The following MAFK variants were observed in gnomAD, a reference collection of about 807,000 sequenced individuals.
MAFK encodes MAF bZIP transcription factor K.
MAFK carries 1 observed loss-of-function variant against 9.2 expected under a neutral mutation model. That is an observed-to-expected ratio of 0.11 (90% CI 0.04 to 0.52). The LOEUF (loss-of-function observed/expected upper bound fraction) is 0.52. MAFK is among the 20% of genes least tolerant of loss of function. The pLI is 0.94. For synonymous variants in MAFK, 110 were observed against 107.4 expected, an observed-to-expected ratio of 1.02 and a Z score of -0.15; for missense variants, 207 against 236.0, an observed-to-expected ratio of 0.88 and a Z score of 0.81.
At chr7:1,533,192 G>T (rs891832120) in intron 1 of MAFK, among the ~76,000 whole-genome samples, 7 of 152,322 alleles carry the variant, frequency 4.6e-5, no homozygotes, top group African/African-American at 1.4e-4. Flanking sequence ...AGGCCGGTGG[G>T]GTCTGGTGTA....
intron 1 of MAFK, among the ~76,000 whole-genome samples, chr7:1,535,349 G>A (rs746671897): frequency 5.9e-5 from 9 of 152,148 alleles, no homozygotes; most frequent in African/African-American, 9.7e-5. Flanking sequence ...GTGAGTATTT[G>A]CTGGGACTTA....
At chr7:1,538,474 C>G (rs1172614810) in intron 1 of MAFK, 1 of 164,110 alleles carries the variant, frequency 6.1e-6, no homozygotes, top group African/African-American at 2.7e-5. Flanking sequence ...GTCCCGTGGC[C>G]TGTGGGGAGG....
rs1370317183 is a variant in MAFK at position 1,534,580 on chromosome 7, C to T, written c.-45+3682C>T. On this transcript the variant is annotated intron_variant, in intron 1 of 2. Coordinates refer to ENST00000343242, the MANE Select transcript of MAFK (RefSeq NM_002360.4). This position sits in a 1 kb window ranked among gnomAD's most constrained non-coding sequence, Gnocchi z 4.3. ...GTTCCTGGTCTTCCTCCTGCCCCTC[C>T]TCCCTCTCCCGCATCCCACATCCTC... 4.4e-6 allele frequency: 2 copies of T among 456,470 alleles called. No homozygotes were observed. Among genetic ancestry groups the T allele is most frequent in the Non-Finnish European group, 8.8e-6 (2 of 226,924 alleles). 28.3% of individuals were successfully genotyped at this position (456,470 alleles called of 1,614,324 possible).
intron 1 of MAFK, chr7:1,537,701 G>C: frequency 1.0e-6 from 1 of 985,560 alleles, no homozygotes; most frequent in South Asian, 4.7e-5. Flanking sequence ...TGTCTCACCT[G>C]TGCGGCCCTC....
Position 1,537,282 on chromosome 7 carries a change from C to T in MAFK, c.-44-1867C>T, listed in dbSNP as rs1417264607. ...GTGCTGCCACGGCGGGCAGTGGGCC[C>T]GGGGGCCCAGGAGCGGGTCCTTGCT... is the stretch of plus-strand genomic sequence containing the variant. On this transcript the variant is annotated intron_variant, in intron 1 of 2. Transcript: ENST00000343242. 16 of 732,256 alleles carry T rather than the reference C, an allele frequency of 2.2e-5. No individual in the cohort carries two copies. The East Asian group carries it at 5.2e-4, about 24-fold the overall frequency. 45.4% of individuals were successfully genotyped at this position (732,256 alleles called of 1,614,324 possible). A position where few individuals can be genotyped will look rare whatever the true frequency, so the allele number is the denominator to read the frequency against.
chr7:1,539,625 G>C (rs1282581588), intron 2 of MAFK, among the ~76,000 whole-genome samples: 2 of 152,246 alleles, frequency 1.3e-5, no homozygotes, highest in Non-Finnish European at 2.9e-5. Context: ...ACAATGGCGT[G>C]TGCCTGTGGG....
rs116106112 is a variant in MAFK at position 1,534,562 on chromosome 7, G to A, written c.-45+3664G>A. 3,968 of 456,326 alleles carry A rather than the reference G, an allele frequency of 8.7e-3. 137 individuals carry two copies. Among genetic ancestry groups the A allele is most frequent in the African/African-American group, 0.071 (3,554 of 50,134 alleles). 28.3% of individuals were successfully genotyped at this position (456,326 alleles called of 1,614,324 possible). On this transcript the variant is annotated intron_variant, in intron 1 of 2. Coordinates refer to ENST00000343242, the MANE Select transcript of MAFK (RefSeq NM_002360.4). The surrounding 1 kb of genome is among the most constrained non-coding windows in gnomAD (Gnocchi z 4.3). ...ACAGAGCTCCCGTCCTCCGTTCCTG[G>A]TCTTCCTCCTGCCCCTCCTCCCTCT...
chr7:1,539,273 G>A (rs1490302719), intron 2 of MAFK, 45 bp downstream of exon 2: 3 of 1,533,668 alleles, frequency 2.0e-6, no homozygotes, highest in Non-Finnish European at 8.9e-7. Context: ...ACAGGCGTGG[G>A]AAAGGCCCCC....
rs867352807 is a variant in MAFK, at chr7:1,539,289, G to A, written c.36+61G>A. The A allele has an allele frequency of 9.3e-5, 129 of 1,384,564 alleles. No individual in the cohort carries two copies. The Middle Eastern group carries it at 3.4e-3, about 37-fold the overall frequency. 85.8% of individuals were successfully genotyped at this position (1,384,564 alleles called of 1,614,324 possible). A position where few individuals can be genotyped will look rare whatever the true frequency, so the allele number is the denominator to read the frequency against. ...CAGGCGTGGGAAAGGCCCCCGGCCC[G>A]ACAGCCCCTGCTATCCCAGGGCCGT... On this transcript the variant is annotated intron_variant, in intron 2 of 2. Coordinates refer to ENST00000343242, the MANE Select transcript of MAFK (RefSeq NM_002360.4).
In MAFK at chr7:1,532,434, T is replaced by A. The variant is rs190516867; in HGVS notation, c.-45+1536T>A. ...GACCTTGGGAGAGGGAGTCTGCTTT[T>A]AAAACTAGACCTCTCATTATTCCAA... On this transcript the variant is annotated intron_variant, in intron 1 of 2. Transcript: ENST00000343242. This position sits in a 1 kb window ranked among gnomAD's most constrained non-coding sequence, Gnocchi z 4.5. Among the ~76,000 whole-genome samples, 46 of 152,338 alleles carry A rather than the reference T, an allele frequency of 3.0e-4. No homozygotes were observed. The East Asian group carries it at 7.7e-3, about 26-fold the overall frequency.
At chr7:1,538,891 G>A (rs1265275932) in intron 1 of MAFK, 3 of 384,950 alleles carry the variant, frequency 7.8e-6, no homozygotes, top group Non-Finnish European at 1.4e-5. Context: ...CAGCCGCTCT[G>A]TGGAGTGTGC....
intron 2 of MAFK, among the ~76,000 whole-genome samples, chr7:1,539,558 C>A (rs1042757648): frequency 1.3e-5 from 2 of 152,190 alleles, no homozygotes; most frequent in African/African-American, 2.4e-5. Context: ...CTCTGGTGAA[C>A]GCGATGCTCC....
In MAFK at chr7:1,530,718, C is replaced by G. The variant is rs1238036922; in HGVS notation, c.-225C>G. ...GGAAGCGGTGTCAGATGCTGGGGAG[C>G]CGGGCGGGCGGGTGCGGTGGCGGCG... is the stretch of plus-strand genomic sequence containing the variant. On this transcript the variant is annotated 5_prime_UTR_variant, in exon 1 of 3. Coordinates refer to ENST00000343242, the MANE Select transcript of MAFK (RefSeq NM_002360.4). The G allele has an allele frequency of 6.7e-6, 1 of 149,770 alleles. No homozygotes were observed. The highest frequency in any genetic ancestry group is 2.0e-4 in the East Asian group (1 of 5,114). 9.3% of individuals were successfully genotyped at this position (149,770 alleles called of 1,614,324 possible).
chr7:1,531,345 G>A (rs1249372517), intron 1 of MAFK, among the ~76,000 whole-genome samples: 1 of 152,044 alleles, frequency 6.6e-6, no homozygotes, highest in African/African-American at 2.4e-5. Context: ...CCCCAGCGTG[G>A]CTTCCGCGTG....
rs774255082 is a variant in MAFK, at chr7:1,540,421, C to T, written c.*46C>T. Reference sequence around the variant, plus strand: ...TGGCGGGCGGCGGGCGGCGGGCAGGCGGGTGGGGGCACACCCCTCGTACCT... The same window carrying T: ...TGGCGGGCGGCGGGCGGCGGGCAGGTGGGTGGGGGCACACCCCTCGTACCT... On this transcript the variant is annotated 3_prime_UTR_variant, in exon 3 of 3. Coordinates refer to ENST00000343242, the MANE Select transcript of MAFK (RefSeq NM_002360.4). 5 of 307,546 alleles carry T rather than the reference C, an allele frequency of 1.6e-5. No homozygotes were observed. The highest frequency in any genetic ancestry group is 4.6e-5 in the Admixed American group (1 of 21,872). The allele number at this position is 307,546 out of a possible 1,614,324, so 19.1% of individuals were successfully genotyped here. A position where few individuals can be genotyped will look rare whatever the true frequency, so the allele number is the denominator to read the frequency against.
chr7:1,531,556 T>G (rs1006277173), intron 1 of MAFK, among the ~76,000 whole-genome samples: 23 of 152,080 alleles, frequency 1.5e-4, no homozygotes, highest in Non-Finnish European at 2.8e-4. Context: ...GGGGGGCAGG[T>G]GACAGTGGCC....
chr7:1,540,238 G>A lies in MAFK; in HGVS notation c.334G>A (p.Glu112Lys), dbSNP rs773607210. 9 of 1,606,468 alleles carry A rather than the reference G, an allele frequency of 5.6e-6. No individual in the cohort carries two copies. The highest frequency in any genetic ancestry group is 5.0e-5 in the Admixed American group (3 of 59,420). ...GCTGGACGCCCTGCGCTCCAAGTAC[G>A]AGGCGCTGCAGACCTTCGCGCGCAC... ...LELDALRSKY[E>K]ALQTFARTVA... Residue 112 changes from glutamate (E) to lysine (K), a missense_variant, in exon 3 of 3, where the codon GAG becomes AAG. Physicochemically the swap from Glu to Lys is moderately conservative, Grantham distance 56. Coordinates refer to ENST00000343242, the MANE Select transcript of MAFK (RefSeq NM_002360.4).
At chr7:1,533,795 T>TG (rs1783961454) in intron 1 of MAFK, among the ~76,000 whole-genome samples, 1 of 137,776 alleles carries the variant, frequency 7.3e-6, no homozygotes, top group African/African-American at 2.8e-5. Context: ...GGTTGGGGGC[T>TG]GGGGGGCATC....
At chr7:1,537,046 A>G (rs1784047911) in intron 1 of MAFK, among the ~76,000 whole-genome samples, 1 of 152,220 alleles carries the variant, frequency 6.6e-6, no homozygotes, top group Admixed American at 6.5e-5. Flanking sequence ...AGCCCTGGCA[A>G]CCTTGACCTC....
Sources: allele counts gnomAD v4.1 joint callset (sites outside exome capture counted in the v4.1 genomes callset), GRCh38; gene constraint gnomAD v4.1.1; non-coding constraint Gnocchi (gnomAD v3.1); transcripts MANE v1.5; gene names NCBI Gene and HGNC (gene_info 2026-07-23, HGNC 2026-07-21).